The following ITGB1 variants were observed in gnomAD, a reference collection of about 807,000 sequenced individuals.
ITGB1 encodes integrin subunit beta 1, also known as integrin beta-1.
Under a neutral mutation model 86.5 loss-of-function variants are expected in ITGB1, and 24 were observed. That is an observed-to-expected ratio of 0.28 (90% CI 0.20 to 0.39). The LOEUF (loss-of-function observed/expected upper bound fraction) is 0.39, where lower values mean the gene tolerates loss of function less well. Ranked by LOEUF, ITGB1 falls within the 10% of genes least tolerant of loss-of-function variation. ITGB1 has a pLI of 1.00. For missense variants in ITGB1, 556 were observed against 946.9 expected (o/e 0.59, Z 5.42); for synonymous variants, 323 against 316.8 (o/e 1.02, Z -0.21).
intron 1 of ITGB1, among the ~76,000 whole-genome samples, chr10:32,948,429 A>T (rs1003741143): frequency 2.6e-5 from 4 of 152,162 alleles, no homozygotes; most frequent in Non-Finnish European, 4.4e-5. Flanking sequence ...AGAAACCCTT[A>T]AAAAAAGATT....
chr10:32,949,225 G>A (rs2095038036), intron 1 of ITGB1, among the ~76,000 whole-genome samples: 1 of 152,152 alleles, frequency 6.6e-6, no homozygotes, highest in African/African-American at 2.4e-5. Flanking sequence ...TTGTTTTACA[G>A]ATGAGGAAAC....
chr10:32,919,814 C>T lies in ITGB1; in HGVS notation c.1469+71G>A, dbSNP rs572473980. 5.2e-6 allele frequency: 7 copies of T among 1,357,934 alleles called. No homozygotes were observed. In the East Asian group the frequency reaches 1.6e-4, roughly 32 times the overall value. The allele number at this position is 1,357,934 out of a possible 1,614,324, so 84.1% of individuals were successfully genotyped here. On this transcript the variant is annotated intron_variant, in intron 11 of 15. Transcript: ENST00000302278. ...AAATAGAGAGATATTCTCTGGATGT[C>T]CCAAAATATGACCTGCCTATACTCT...
intron 15 of ITGB1, chr10:32,907,139 T>C: frequency 7.6e-7 from 1 of 1,310,488 alleles, no homozygotes; most frequent in Non-Finnish European, 1.0e-6. Flanking sequence ...AATCGGATTT[T>C]CTTGCTAAAG....
chr10:32,920,267 G>C lies in ITGB1; in HGVS notation c.1247C>G (p.Ser416Cys). Residue 416 changes from serine (S) to cysteine (C), a missense_variant, in exon 10 of 16, where the codon TCC (serine) becomes TGC (cysteine). This residue lies in a region of ITGB1 where 330 missense variants were observed against 531.5 expected (regional missense o/e 0.62). Transcript: ENST00000302278. ...TACCTCATCTCCAATGGAAATATTG[G>C]AACATTTTCTTCCATTTTCCCCTGT... Reference protein sequence around the residue: ...NGTGENGRKCSNISIGDEVQF... With the variant: ...NGTGENGRKCCNISIGDEVQF... 1.2e-6 allele frequency: 2 copies of C among 1,613,438 alleles called. No homozygotes were observed. Among genetic ancestry groups the C allele is most frequent in the Non-Finnish European group, 1.7e-6 (2 of 1,179,646 alleles).
rs2095032468 is a variant in ITGB1, at chr10:32,946,849, A to ACTT, written c.-1+11293_1-11292dup. On this transcript the variant is annotated intron_variant, in intron 1 of 15. Transcript: ENST00000302278. ...GTTTTTTAAAAGAATTATAGTAAAG[A>ACTT]CTTCTTTTTTTTTTTTAGACAGTTT... Among the ~76,000 whole-genome samples the ACTT allele has an allele frequency of 2.5e-5, 3 of 119,660 alleles. No individual in the cohort carries two copies. The Admixed American group carries it at 2.9e-4, about 12-fold the overall frequency. The allele number at this position is 119,660 out of a possible 152,430, so 78.5% of individuals were successfully genotyped here.
intron 13 of ITGB1, 49 bp downstream of exon 13, chr10:32,911,399 A>G (rs2094912742): frequency 2.7e-6 from 4 of 1,486,696 alleles, no homozygotes; most frequent in Non-Finnish European, 3.8e-6. Context: ...CAGGCTTAGG[A>G]GAGCCAAGAG....
intron 1 of ITGB1, chr10:32,953,545 C>CAA (rs10622276): frequency 0.43 from 62,032 of 144,292 alleles, 14,720 homozygotes; most frequent in Non-Finnish European, 0.54. Flanking sequence ...TCTGGTGATA[C>CAA]AAAAAAAAAA....
chr10:32,906,732 A>G (rs1258966644), intron 15 of ITGB1, among the ~76,000 whole-genome samples: 3 of 152,148 alleles, frequency 2.0e-5, no homozygotes, highest in South Asian at 2.1e-4. Context: ...CCCCATACAA[A>G]ACAGAGTACT....
intron 11 of ITGB1, among the ~76,000 whole-genome samples, chr10:32,918,033 C>G (rs1041511696): frequency 6.6e-6 from 1 of 152,076 alleles, no homozygotes; most frequent in South Asian, 2.1e-4. Flanking sequence ...GATGAGTTCA[C>G]GTCCTTTGTA....
intron 1 of ITGB1, chr10:32,955,644 T>C (rs1555222699): frequency 6.6e-6 from 1 of 152,234 alleles, no homozygotes; most frequent in South Asian, 2.1e-4. Flanking sequence ...CCATGTTAAG[T>C]TGTTTGACCA....
intron 3 of ITGB1, among the ~76,000 whole-genome samples, chr10:32,930,728 T>C (rs927958038): frequency 1.3e-5 from 2 of 151,958 alleles, no homozygotes; most frequent in South Asian, 4.2e-4. Context: ...GGCAGGTAAA[T>C]TTCAAAAAAG....
intron 11 of ITGB1, among the ~76,000 whole-genome samples, chr10:32,912,346 C>T (rs572361892): frequency 1.5e-4 from 23 of 152,166 alleles, no homozygotes; most frequent in African/African-American, 2.9e-4. Context: ...GGCGGGGCAT[C>T]GCCTCACCCG....
chr10:32,938,027 C>T (rs898307713), intron 1 of ITGB1, among the ~76,000 whole-genome samples: 1 of 152,204 alleles, frequency 6.6e-6, no homozygotes, highest in Non-Finnish European at 1.5e-5. Flanking sequence ...CTTCTGCAAT[C>T]GTGCTCAGCC....
At chr10:32,934,761 C>T (rs2094995354) in intron 2 of ITGB1, among the ~76,000 whole-genome samples, 2 of 152,136 alleles carry the variant, frequency 1.3e-5, no homozygotes, top group African/African-American at 2.4e-5. Context: ...TTTCTATACA[C>T]ATTAATGAAG....
chr10:32,902,598 AT>A (rs896339507), intron 15 of ITGB1, among the ~76,000 whole-genome samples: 1 of 152,148 alleles, frequency 6.6e-6, no homozygotes, highest in African/African-American at 2.4e-5. Context: ...TACCAGGGAA[AT>A]TTTTTTTAAG....
chr10:32,950,776 T>C (rs2095041096), intron 1 of ITGB1, among the ~76,000 whole-genome samples: 1 of 151,846 alleles, frequency 6.6e-6, no homozygotes, highest in Admixed American at 6.6e-5. Flanking sequence ...GCTAAGAAGC[T>C]CTAACAACAA....
intron 1 of ITGB1, among the ~76,000 whole-genome samples, chr10:32,938,795 C>CAGGGAA (rs2137246282): frequency 6.6e-6 from 1 of 152,290 alleles, no homozygotes; most frequent in Non-Finnish European, 1.5e-5. Flanking sequence ...GGCTTTCTCT[C>CAGGGAA]AGGGAAAGGG....
rs1199095079 is a variant in ITGB1 at position 32,911,495 on chromosome 10, T to C, written c.1884A>G (p.Gln628=). The C allele has an allele frequency of 1.2e-6, 2 of 1,614,158 alleles. No individual in the cohort carries two copies. The highest frequency in any genetic ancestry group is 1.7e-5 in the Admixed American group (1 of 60,022). Residue 628 remains glutamine, a synonymous_variant, in exon 13 of 16, where the codon CAA becomes CAG. Transcript: ENST00000302278. ...GGCAGGTCTGACACATCTCACACGT[T>C]TGCCCTTGAAACTTCGGATCTGTAC... The part of the protein sequence containing the change: ...CKCTDPKFQG[Q]TCEMCQTCLG...
intron 15 of ITGB1, among the ~76,000 whole-genome samples, chr10:32,903,996 G>A (rs1485573997): frequency 1.4e-5 from 2 of 141,702 alleles, no homozygotes; most frequent in Non-Finnish European, 3.1e-5. Flanking sequence ...GAATTATAAG[G>A]GAAGGACAAA....
Sources: gnomAD v4.1 joint callset for allele counts (sites outside exome capture counted in the v4.1 genomes callset) on GRCh38, gnomAD v4.1.1 for gene constraint, gnomAD v4.1.1 regional missense constraint, MANE v1.5 for transcripts, NCBI Gene and HGNC (gene_info 2026-07-23, HGNC 2026-07-21) for gene names.